Variants in BRD1 observed in about 807,000 individuals in gnomAD.
BRD1 encodes bromodomain containing 1, also known as bromodomain-containing protein 1.
In BRD1, 24 loss-of-function variants were observed where a neutral mutation model predicts 107.7. That is an observed-to-expected ratio of 0.22 (90% CI 0.16 to 0.31). BRD1 has a LOEUF of 0.31. Ranked by LOEUF, BRD1 falls within the 10% of genes least tolerant of loss-of-function variation. The probability of loss-of-function intolerance (pLI) is 1.00; values close to 1 mark genes in which losing one functional copy is unlikely to be tolerated. For missense variants in BRD1, 1,279 were observed against 1,638.6 expected (o/e 0.78, Z 3.79); for synonymous variants, 744 against 686.1 (o/e 1.08, Z -1.32).
At chr22:49,814,702 G>T (rs576719359) in intron 2 of BRD1, among the ~76,000 whole-genome samples, 7 of 152,318 alleles carry the variant, frequency 4.6e-5, no homozygotes, top group Admixed American at 4.6e-4. Flanking sequence ...CCCGAGCCCA[G>T]GAGGTGCTCT....
intron 2 of BRD1, among the ~76,000 whole-genome samples, chr22:49,819,856 G>A (rs1218541554): frequency 1.3e-5 from 2 of 151,812 alleles, no homozygotes; most frequent in African/African-American, 4.8e-5. Context: ...TTAGCCTGGC[G>A]CAGTGGCTCA....
Position 49,775,694 on chromosome 22 carries a change from T to A in BRD1, c.3283A>T (p.Ile1095Phe), listed in dbSNP as rs1849868848. 3 of 1,613,650 alleles carry A rather than the reference T, an allele frequency of 1.9e-6. No homozygotes were observed. Reference sequence around the variant, plus strand: ...AGCACGTCCAGGGGTGGGGCCGGGATGGTGACGCCGTTGTGGTGGCCAGGC... The same window carrying A: ...AGCACGTCCAGGGGTGGGGCCGGGAAGGTGACGCCGTTGTGGTGGCCAGGC... The part of the protein sequence containing the change: ...RVPGHHNGVT[I>F]PAPPLDVLKI... The change falls in exon 12 of 13, where the codon ATC becomes TTC. Residue 1095 changes from isoleucine to phenylalanine, a missense_variant. Transcript: ENST00000404760.
chr22:49,809,208 T>C (rs957226567), intron 2 of BRD1, among the ~76,000 whole-genome samples: 4 of 151,982 alleles, frequency 2.6e-5, no homozygotes, highest in Admixed American at 1.3e-4. Flanking sequence ...CAGTCTAAAG[T>C]TGCTAATGAA....
chr22:49,791,582 T>C (rs187817222), intron 7 of BRD1, among the ~76,000 whole-genome samples: 121 of 152,364 alleles, frequency 7.9e-4, no homozygotes, highest in Non-Finnish European at 1.4e-3. Context: ...TTCTTGGTTT[T>C]CATCCTATTA....
intron 2 of BRD1, chr22:49,805,407 G>A (rs564372048): frequency 1.3e-5 from 2 of 152,514 alleles, no homozygotes; most frequent in South Asian, 2.1e-4. Context: ...GAGCTCCCGT[G>A]CAGATGTGGA....
intron 8 of BRD1, among the ~76,000 whole-genome samples, chr22:49,781,223 C>T (rs896638995): frequency 1.3e-5 from 2 of 152,286 alleles, no homozygotes; most frequent in East Asian, 1.9e-4. Flanking sequence ...AAGGAGATGG[C>T]GCAAAGGTGT....
At chr22:49,796,646 C>T (rs1601662835) in intron 6 of BRD1, among the ~76,000 whole-genome samples, 2 of 152,370 alleles carry the variant, frequency 1.3e-5, no homozygotes, top group African/African-American at 4.8e-5. Context: ...GCATGAGCCA[C>T]AGAACCTGGC....
At chr22:49,785,955 G>C (rs2059314896) in intron 8 of BRD1, among the ~76,000 whole-genome samples, 1 of 152,168 alleles carries the variant, frequency 6.6e-6, no homozygotes, top group African/African-American at 2.4e-5. Flanking sequence ...AAGATGTGAG[G>C]GAGTGGCCTG....
chr22:49,810,156 G>T (rs918916313), intron 2 of BRD1, among the ~76,000 whole-genome samples: 17 of 152,174 alleles, frequency 1.1e-4, no homozygotes, highest in African/African-American at 3.6e-4. Context: ...GAAAGAAAGC[G>T]AGCGAGCAAG....
intron 2 of BRD1, among the ~76,000 whole-genome samples, chr22:49,804,749 G>C (rs2059707555): frequency 1.3e-5 from 2 of 152,120 alleles, no homozygotes; most frequent in Admixed American, 1.3e-4. Flanking sequence ...TACTTGGGAG[G>C]CTGAGGCAGG....
At chr22:49,808,774 G>A (rs1263857707) in intron 2 of BRD1, among the ~76,000 whole-genome samples, 1 of 152,124 alleles carries the variant, frequency 6.6e-6, no homozygotes, top group East Asian at 1.9e-4. Context: ...AGTAGAGGAG[G>A]AAAAATGCCC....
intron 9 of BRD1, 57 bp from the exon 10 acceptor site, chr22:49,777,218 C>T (rs2059118120): frequency 3.1e-6 from 5 of 1,598,408 alleles, no homozygotes; most frequent in Non-Finnish European, 4.3e-6. Context: ...CAGCCTCACT[C>T]GGGCTTCGTC....
chr22:49,814,890 T>C lies in BRD1; in HGVS notation c.1367+8061A>G, dbSNP rs113986970. Among the ~76,000 whole-genome samples, 8 of 152,374 alleles carry C rather than the reference T, an allele frequency of 5.3e-5. 1 individual carries two copies. The highest frequency in any genetic ancestry group is 1.9e-4 in the African/African-American group (8 of 41,594). ...AAAGTGAAGAGAGACAGAAATCAGC[T>C]ACACTGTGGTGTCTCCCCTCTGCTG... On this transcript the variant is annotated intron_variant, in intron 2 of 12. Transcript: ENST00000404760.
At chr22:49,820,481 T>C (rs1359650552) in intron 2 of BRD1, among the ~76,000 whole-genome samples, 2 of 152,164 alleles carry the variant, frequency 1.3e-5, no homozygotes, top group East Asian at 1.9e-4. Flanking sequence ...CGTGCCTGTA[T>C]TCCCAGCTGA....
chr22:49,827,042 G>A (rs2060154409), intron 1 of BRD1, among the ~76,000 whole-genome samples: 1 of 151,974 alleles, frequency 6.6e-6, no homozygotes, highest in African/African-American at 2.4e-5. Flanking sequence ...CTCGGGGCGC[G>A]TCCCTGCTCA....
chr22:49,798,142 C>A, intron 5 of BRD1, 25 bp from the exon 6 acceptor site: 1 of 1,568,086 alleles, frequency 6.4e-7, no homozygotes, highest in East Asian at 2.2e-5. Flanking sequence ...GAAAAAGAAT[C>A]ATTTACAAAC....
At chr22:49,817,815 T>C (rs1448674166) in intron 2 of BRD1, 1 of 152,700 alleles carries the variant, frequency 6.5e-6, no homozygotes, top group Non-Finnish European at 1.5e-5. Context: ...TGGATAACCA[T>C]GCAAAACCCC....
chr22:49,823,357 C>G lies in BRD1; in HGVS notation c.961G>C (p.Ala321Pro). The G allele has an allele frequency of 6.2e-7, 1 of 1,614,120 alleles. No homozygotes were observed. Among genetic ancestry groups the G allele is most frequent in the Non-Finnish European group, 8.5e-7 (1 of 1,180,028 alleles). Residue 321 changes from alanine to proline, a missense_variant, in exon 2 of 13, where the codon GCC becomes CCC. By Grantham distance (27) the Ala-to-Pro change is conservative (BLOSUM62 -1). Around this residue, in one of 7 missense-constraint regions of BRD1, gnomAD observed 158 missense variants for 310.2 expected, o/e 0.51. Coordinates refer to ENST00000404760, the MANE Select transcript of BRD1 (RefSeq NM_001304808.3). ...AGGTAGCATGTCAGTTTCCACCGGG[C>G]TGGAGGGATGTTCCTCACCCCATCG... is the stretch of plus-strand genomic sequence containing the variant. Reference protein sequence around the residue: ...PIDGVRNIPPARWKLTCYLCK... With the variant: ...PIDGVRNIPPPRWKLTCYLCK...
At position 49,823,682 on chromosome 22, in the gene BRD1, G is replaced by A. The variant is rs759394790; in HGVS notation, c.636C>T (p.Asp212=). Residue 212 remains aspartate, a synonymous_variant, in exon 2 of 13, where the codon GAC becomes GAT. Coordinates refer to ENST00000404760, the MANE Select transcript of BRD1 (RefSeq NM_001304808.3). ...QKQGEQQSLI[D]EDAVCCICMD... ...TGCAGATGCAGCACACGGCGTCCTCGTCGATCAGAGACTGCTGCTCGCCCT... is the reference window on the plus strand; with the variant it reads ...TGCAGATGCAGCACACGGCGTCCTCATCGATCAGAGACTGCTGCTCGCCCT... 25 of 1,613,396 alleles carry A rather than the reference G, an allele frequency of 1.5e-5. No individual in the cohort carries two copies. Among genetic ancestry groups the A allele is most frequent in the Admixed American group, 3.3e-5 (2 of 59,966 alleles).
Sources: allele counts gnomAD v4.1 joint callset (sites outside exome capture counted in the v4.1 genomes callset), GRCh38; gene constraint gnomAD v4.1.1; regional missense constraint gnomAD v4.1.1; transcripts MANE v1.5; gene names NCBI Gene and HGNC (gene_info 2026-07-23, HGNC 2026-07-21).